The following ARHGAP26 variants were observed in gnomAD, a reference collection of about 807,000 sequenced individuals.
ARHGAP26 encodes the protein Rho GTPase activating protein 26.
In ARHGAP26, 38 loss-of-function variants were observed where a neutral mutation model predicts 104.8. The observed-to-expected ratio is 0.36, with a 90% CI of 0.28 to 0.48. The LOEUF is 0.48. Ranked by LOEUF, ARHGAP26 falls within the 20% of genes least tolerant of loss-of-function variation. The pLI, the probability that ARHGAP26 is intolerant of heterozygous loss-of-function variation, is 0.99. For missense variants in ARHGAP26, 704 were observed against 947.9 expected, an observed-to-expected ratio of 0.74 and a Z score of 3.38; for synonymous variants, 341 against 340.0, an observed-to-expected ratio of 1.00 and a Z score of -0.03.
chr5:143,080,413 G>A (rs1351474721), intron 17 of ARHGAP26, among the ~76,000 whole-genome samples: 1 of 152,176 alleles, frequency 6.6e-6, no homozygotes, highest in Non-Finnish European at 1.5e-5. Flanking sequence ...GTAAGAGTAA[G>A]CCCAAGTATT....
intron 17 of ARHGAP26, among the ~76,000 whole-genome samples, chr5:143,114,976 CT>C (rs1158518036): frequency 6.6e-6 from 1 of 152,076 alleles, no homozygotes; most frequent in Non-Finnish European, 1.5e-5. Flanking sequence ...GGTGGCTTTG[CT>C]TTGGCTCCAT....
chr5:142,919,239 T>C (rs1762882472), intron 10 of ARHGAP26: 1 of 398,600 alleles, frequency 2.5e-6, no homozygotes, highest in Non-Finnish European at 4.4e-6. Flanking sequence ...GATGGACATG[T>C]ACACGAGAAG....
chr5:143,141,455 G>A (rs1012447013), intron 19 of ARHGAP26, among the ~76,000 whole-genome samples: 2 of 152,186 alleles, frequency 1.3e-5, no homozygotes, highest in African/African-American at 4.8e-5. Flanking sequence ...GCCCATACGG[G>A]ATATCTGTGT....
chr5:142,990,246 C>A (rs1401866629), intron 11 of ARHGAP26, among the ~76,000 whole-genome samples: 1 of 152,200 alleles, frequency 6.6e-6, no homozygotes. Flanking sequence ...TTGATCAAAT[C>A]GGCTACTGAA....
intron 11 of ARHGAP26, among the ~76,000 whole-genome samples, chr5:142,964,301 A>G: frequency 6.6e-6 from 1 of 152,188 alleles, no homozygotes; most frequent in Non-Finnish European, 1.5e-5. Context: ...AGTTTTGATC[A>G]TATACCTGTA....
intron 1 of ARHGAP26, among the ~76,000 whole-genome samples, chr5:142,777,806 C>T (rs939216093): frequency 4.6e-5 from 7 of 151,966 alleles, no homozygotes; most frequent in South Asian, 2.1e-4. Context: ...AGAGTGAAGG[C>T]GAATGCACAA....
intron 11 of ARHGAP26, among the ~76,000 whole-genome samples, chr5:143,007,918 G>A (rs930095631): frequency 6.6e-6 from 1 of 152,112 alleles, no homozygotes; most frequent in African/African-American, 2.4e-5. Context: ...AGTTTCAGTT[G>A]GTTATATTAC....
chr5:142,975,902 T>C (rs1773005076), intron 11 of ARHGAP26, among the ~76,000 whole-genome samples: 1 of 152,224 alleles, frequency 6.6e-6, no homozygotes, highest in Non-Finnish European at 1.5e-5. Flanking sequence ...AACAAGAATA[T>C]AATGTGGCCT....
chr5:143,013,216 A>G (rs1244660669), intron 11 of ARHGAP26, among the ~76,000 whole-genome samples: 1 of 152,236 alleles, frequency 6.6e-6, no homozygotes, highest in African/African-American at 2.4e-5. Flanking sequence ...TCAGAAAATC[A>G]TACTCAAATA....
intron 10 of ARHGAP26, among the ~76,000 whole-genome samples, chr5:142,931,818 A>G (rs2152534000): frequency 1.3e-5 from 2 of 152,352 alleles, no homozygotes; most frequent in Admixed American, 1.3e-4. Context: ...AAATAGGATC[A>G]TGTCTTCTGT....
intron 20 of ARHGAP26, among the ~76,000 whole-genome samples, chr5:143,195,407 A>G (rs1806661940): frequency 6.6e-6 from 1 of 152,162 alleles, no homozygotes; most frequent in Non-Finnish European, 1.5e-5. Flanking sequence ...TTCTTATTAA[A>G]TCTTTTTCCT....
intron 11 of ARHGAP26, among the ~76,000 whole-genome samples, chr5:142,963,198 A>ATATATGTGTGTGTGTGTG (rs869247749): frequency 6.1e-5 from 6 of 98,336 alleles, no homozygotes; most frequent in African/African-American, 3.7e-4. Context: ...ATATATATAT[A>ATATATGTGTGTGTGTGTG]TGTGTGTGTG....
intron 11 of ARHGAP26, among the ~76,000 whole-genome samples, chr5:142,989,602 A>C (rs1276091523): frequency 2.0e-5 from 3 of 152,154 alleles, no homozygotes; most frequent in African/African-American, 7.2e-5. Flanking sequence ...ATGTTTTTGC[A>C]GTGGCTGGTA....
chr5:142,820,799 C>T (rs976295632), intron 1 of ARHGAP26, among the ~76,000 whole-genome samples: 2 of 152,210 alleles, frequency 1.3e-5, no homozygotes, highest in Non-Finnish European at 2.9e-5. Flanking sequence ...GTGTCAGGCA[C>T]ATCACGTATG....
chr5:143,096,230 A>G (rs970381905), intron 17 of ARHGAP26, among the ~76,000 whole-genome samples: 2 of 152,222 alleles, frequency 1.3e-5, no homozygotes, highest in Admixed American at 1.3e-4. Flanking sequence ...ATATTACATC[A>G]TATAACATCA....
At chr5:142,916,453 CT>C (rs1258137140) in intron 10 of ARHGAP26, among the ~76,000 whole-genome samples, 8 of 152,202 alleles carry the variant, frequency 5.3e-5, no homozygotes, top group Non-Finnish European at 8.8e-5. Flanking sequence ...CACAGTTCGA[CT>C]TTCTGGGACT....
intron 11 of ARHGAP26, among the ~76,000 whole-genome samples, chr5:143,007,236 A>G (rs568443493): frequency 6.7e-6 from 1 of 148,784 alleles, no homozygotes; most frequent in African/African-American, 2.5e-5. Flanking sequence ...TTTAGCCTGT[A>G]TTAGTGTTTG....
intron 19 of ARHGAP26, among the ~76,000 whole-genome samples, chr5:143,143,552 T>G (rs1299730282): frequency 6.6e-6 from 1 of 152,212 alleles, no homozygotes; most frequent in Non-Finnish European, 1.5e-5. Context: ...CATCAGTACT[T>G]TGGTTTCAAG....
intron 20 of ARHGAP26, among the ~76,000 whole-genome samples, chr5:143,150,388 T>C (rs1477874271): frequency 6.6e-6 from 1 of 152,198 alleles, no homozygotes; most frequent in African/African-American, 2.4e-5. Context: ...TTACAAGTCA[T>C]AATGTGTTCA....
Sources: allele counts gnomAD v4.1 joint callset (sites outside exome capture counted in the v4.1 genomes callset), GRCh38; gene constraint gnomAD v4.1.1; transcripts MANE v1.5; gene names NCBI Gene and HGNC (gene_info 2026-07-23, HGNC 2026-07-21).